Variants in PIGZ observed in about 807,000 individuals in gnomAD.
PIGZ encodes GPI alpha-1,2-mannosyltransferase 4.
Under a neutral mutation model 16.4 loss-of-function variants are expected in PIGZ, and 16 were observed. That is an observed-to-expected ratio of 0.97 (90% CI 0.66 to 1.48). The LOEUF is 1.48. Among genes scored for constraint, PIGZ ranks in the 40% most tolerant of loss-of-function variants. PIGZ has a pLI of 0.00. For synonymous variants in PIGZ, 409 were observed against 338.4 expected, an observed-to-expected ratio of 1.21 and a Z score of -2.29; for missense variants, 770 against 739.2, an observed-to-expected ratio of 1.04 and a Z score of -0.48.
At chr3:196,957,382 T>C (rs1200378208) in intron 1 of PIGZ, among the ~76,000 whole-genome samples, 4 of 36,824 alleles carry the variant, frequency 1.1e-4, no homozygotes, top group East Asian at 3.9e-3. Context: ...TTTTTCTTCC[T>C]TTTTTTTTTT....
In PIGZ at chr3:196,948,524, G is replaced by C. The variant is rs934760900; in HGVS notation, c.373C>G (p.Leu125Val). 6.2e-7 allele frequency: 1 copy of C among 1,611,194 alleles called. No homozygotes were observed. Among genetic ancestry groups the C allele is most frequent in the Non-Finnish European group, 8.5e-7 (1 of 1,178,766 alleles). Reference protein sequence around the residue: ...PWPGLVSGYALLVGPRLLLTA... With the variant: ...PWPGLVSGYAVLVGPRLLLTA... ...AGGAGGAGTCGAGGCCCCACCAGCA[G>C]CGCATAGCCGCTCACCAGGCCAGGC... Residue 125 changes from leucine (L) to valine (V), a missense_variant, in exon 3 of 3, where the codon CTG becomes GTG. Coordinates refer to ENST00000412723, the MANE Select transcript of PIGZ (RefSeq NM_025163.4).
intron 2 of PIGZ, among the ~76,000 whole-genome samples, chr3:196,950,120 G>C (rs1465472212): frequency 6.6e-6 from 1 of 151,948 alleles, no homozygotes; most frequent in East Asian, 1.9e-4. Flanking sequence ...AAGTAGCTGG[G>C]ACTACAGGCG....
intron 1 of PIGZ, among the ~76,000 whole-genome samples, chr3:196,961,607 A>G (rs1000199592): frequency 6.6e-6 from 1 of 152,042 alleles, no homozygotes; most frequent in Admixed American, 6.6e-5. Context: ...ACAATTGATC[A>G]TGTCACATAA....
At chr3:196,954,961 C>A (rs544671352) in intron 1 of PIGZ, among the ~76,000 whole-genome samples, 2 of 151,496 alleles carry the variant, frequency 1.3e-5, no homozygotes, top group Non-Finnish European at 2.9e-5. Flanking sequence ...GGTCTCACTG[C>A]GTTGCCCAGT....
At chr3:196,951,596 A>T (rs759278853) in intron 2 of PIGZ, 9 of 587,858 alleles carry the variant, frequency 1.5e-5, no homozygotes, top group Non-Finnish European at 2.4e-5. Context: ...CATCAAAGAG[A>T]CTGGTGGTTT....
rs368479506 is a variant in PIGZ at position 196,957,667 on chromosome 3, AC to A, written c.1-5637del. Among the ~76,000 whole-genome samples, 52 of 152,324 alleles carry A rather than the reference AC, an allele frequency of 3.4e-4. No homozygotes were observed. The South Asian group carries it at 9.5e-3, about 28-fold the overall frequency. On this transcript the variant is annotated intron_variant, in intron 1 of 2. Transcript: ENST00000412723. Reference sequence around the variant, plus strand: ...AGTGCTGGGATTACAGGCGTGAGCCACTGTGCCCGGCCAAATTTATTTCTTA... The same window carrying A: ...AGTGCTGGGATTACAGGCGTGAGCCATGTGCCCGGCCAAATTTATTTCTTA...
At position 196,947,601 on chromosome 3, in the gene PIGZ, CT is replaced by C. The variant is rs756740014; in HGVS notation, c.1295del (p.Gln432ArgfsTer68). Reference protein sequence around the residue: ...LGALLFGCLHQGGLVPGLEYL... With the variant: ...LGALLFGCLHXGGLVPGLEYL... ...ACTCCAGGCCAGGCACCAGGCCCCC[CT>C]GATGCAGGCAGCCGAAGAGGAGGGC... On this transcript the variant is annotated frameshift_variant, in exon 3 of 3. Coordinates refer to ENST00000412723, the MANE Select transcript of PIGZ (RefSeq NM_025163.4). LOFTEE classifies it high-confidence loss of function. 18 of 1,613,478 alleles carry C rather than the reference CT, an allele frequency of 1.1e-5. No individual in the cohort carries two copies. The Admixed American group carries it at 1.3e-4, about 12-fold the overall frequency.
At chr3:196,950,843 C>T (rs990376262) in intron 2 of PIGZ, among the ~76,000 whole-genome samples, 3 of 151,250 alleles carry the variant, frequency 2.0e-5, no homozygotes, top group Non-Finnish European at 4.4e-5. Flanking sequence ...CTCCTGGGTT[C>T]AAGCAATTCT....
intron 1 of PIGZ, among the ~76,000 whole-genome samples, chr3:196,956,550 C>T: frequency 6.6e-6 from 1 of 152,186 alleles, no homozygotes; most frequent in East Asian, 1.9e-4. Context: ...ATTATGGGAG[C>T]TATAATTCAA....
At chr3:196,966,845 C>T (rs1042857020) in intron 1 of PIGZ, among the ~76,000 whole-genome samples, 3 of 152,134 alleles carry the variant, frequency 2.0e-5, no homozygotes, top group African/African-American at 7.2e-5. Flanking sequence ...TGTCCGGGTG[C>T]GGGTCCAGCA....
At position 196,948,579 on chromosome 3, in the gene PIGZ, C is replaced by T. The variant is rs1396519310; in HGVS notation, c.318G>A (p.Leu106=). The T allele has an allele frequency of 5.0e-6, 8 of 1,587,404 alleles. No individual in the cohort carries two copies. In the East Asian group the frequency reaches 1.8e-4, roughly 36 times the overall value. The change falls in exon 3 of 3, where the codon CTG becomes CTA. Residue 106 remains leucine (L), a synonymous_variant. Coordinates refer to ENST00000412723, the MANE Select transcript of PIGZ (RefSeq NM_025163.4). ...PLLISGSTFW[L]LRLWEELGPW... ...GCCCCAGCTCCTCCCAGAGCCTGAG[C>T]AGCCAGAAGGTGGAACCAGAGATCA...
rs1263308080 is a variant in PIGZ at position 196,947,242 on chromosome 3, T to A, written c.1655A>T (p.Asp552Val). 4 of 1,612,130 alleles carry A rather than the reference T, an allele frequency of 2.5e-6. No homozygotes were observed. The African/African-American group carries it at 4.0e-5, about 16-fold the overall frequency. ...TLLFPHLTLE[D>V]PPALSSLLSG... ...CAGCAAGGAGGACAGGGCTGGTGGATCCTCCAGGGTCAGATGGGGAAATAA... is the reference window on the plus strand; with the variant it reads ...CAGCAAGGAGGACAGGGCTGGTGGAACCTCCAGGGTCAGATGGGGAAATAA... The change falls in exon 3 of 3, where the codon GAT becomes GTT. Residue 552 changes from aspartate (D) to valine (V), a missense_variant. Coordinates refer to ENST00000412723, the MANE Select transcript of PIGZ (RefSeq NM_025163.4).
Position 196,951,838 on chromosome 3 carries a change from G to T in PIGZ, c.194C>A (p.Ser65Tyr). ...GYVHPDEFFQ[S>Y]PEVMAEDILG... is the part of the protein sequence containing the mutation. ...AGTTTTACCTGCCATCACCTCAGGG[G>T]ACTGGAAGAACTCATCTGGGTGCAC... The change falls in exon 2 of 3, where the codon TCC (serine) becomes TAC (tyrosine). Residue 65 changes from serine (S) to tyrosine (Y), a missense_variant. Coordinates refer to ENST00000412723, the MANE Select transcript of PIGZ (RefSeq NM_025163.4). 1 of 1,614,152 alleles carries T rather than the reference G, an allele frequency of 6.2e-7. No homozygotes were observed. The highest frequency in any genetic ancestry group is 8.5e-7 in the Non-Finnish European group (1 of 1,180,034).
chr3:196,955,371 TTATTA>T (rs1186687482), intron 1 of PIGZ, among the ~76,000 whole-genome samples: 2 of 152,202 alleles, frequency 1.3e-5, no homozygotes, highest in Non-Finnish European at 2.9e-5. Flanking sequence ...TGAAGCTATA[TTATTA>T]TATTTGTAGA....
chr3:196,952,904 T>C (rs1287087536), intron 1 of PIGZ, among the ~76,000 whole-genome samples: 1 of 152,202 alleles, frequency 6.6e-6, no homozygotes, highest in Non-Finnish European at 1.5e-5. Context: ...TCGGTGCTCC[T>C]GGTTCTTGGG....
At chr3:196,958,409 T>A (rs1371443622) in intron 1 of PIGZ, among the ~76,000 whole-genome samples, 2 of 152,184 alleles carry the variant, frequency 1.3e-5, no homozygotes, top group African/African-American at 2.4e-5. Context: ...GGCCGGCGGA[T>A]CACCTGAGGT....
chr3:196,956,265 A>C (rs572313676), intron 1 of PIGZ, among the ~76,000 whole-genome samples: 1 of 152,326 alleles, frequency 6.6e-6, no homozygotes, highest in East Asian at 1.9e-4. Flanking sequence ...TAATTTATAA[A>C]GGAAAAGAGG....
intron 1 of PIGZ, among the ~76,000 whole-genome samples, chr3:196,954,988 C>T (rs372171875): frequency 5.3e-5 from 8 of 151,814 alleles, no homozygotes; most frequent in Non-Finnish European, 1.2e-4. Context: ...TGCAGTGGCA[C>T]GATCATGGCT....
At chr3:196,957,519 A>G (rs1267520811) in intron 1 of PIGZ, among the ~76,000 whole-genome samples, 3 of 151,712 alleles carry the variant, frequency 2.0e-5, no homozygotes, top group Non-Finnish European at 4.4e-5. Context: ...AGTAGCTGGG[A>G]TTACAGGCGC....
Sources: gnomAD v4.1 joint callset for allele counts (sites outside exome capture counted in the v4.1 genomes callset) on GRCh38, gnomAD v4.1.1 for gene constraint, MANE v1.5 for transcripts, NCBI Gene and HGNC (gene_info 2026-07-23, HGNC 2026-07-21) for gene names.